AGMO: variants seen among roughly 807,000 people sequenced by gnomAD.
The protein encoded by AGMO is alkylglycerol monooxygenase.
A neutral mutation model predicts 60.2 loss-of-function variants in AGMO; 75 were observed. That is an observed-to-expected ratio of 1.25 (90% CI 1.03 to 1.51). The LOEUF (loss-of-function observed/expected upper bound fraction) is 1.51, where lower values mean the gene tolerates loss of function less well. AGMO is among the 40% of genes most tolerant of loss of function. AGMO has a pLI of 0.00. For missense variants in AGMO, 763 were observed against 525.5 expected, an observed-to-expected ratio of 1.45 and a Z score of -4.42; for synonymous variants, 261 against 177.1, an observed-to-expected ratio of 1.47 and a Z score of -3.76.
In AGMO at chr7:15,553,551, C is replaced by G. The variant is rs12673585; in HGVS notation, c.257+6590G>C. Among the ~76,000 whole-genome samples, 118 of 151,798 alleles carry G rather than the reference C, an allele frequency of 7.8e-4. 1 individual carries two copies. The East Asian group carries it at 0.022, about 28-fold the overall frequency. ...CACAAGAACACACTATTAAACAGGG[C>G]AAATGCCACCAGCCTTATAAATATT... On this transcript the variant is annotated intron_variant, in intron 2 of 12. Transcript: ENST00000342526.
At chr7:15,557,082 G>T (rs1785163927) in intron 2 of AGMO, among the ~76,000 whole-genome samples, 2 of 151,884 alleles carry the variant, frequency 1.3e-5, no homozygotes, top group Non-Finnish European at 2.9e-5. Flanking sequence ...AACATGGTAG[G>T]CACGCTATTA....
intron 12 of AGMO, among the ~76,000 whole-genome samples, chr7:15,353,962 C>CA (rs1167465553): frequency 1.3e-5 from 2 of 152,054 alleles, no homozygotes; most frequent in Non-Finnish European, 2.9e-5. Flanking sequence ...CATACAAAGC[C>CA]AATACATTTT....
chr7:15,145,418 CTT>C, the AGMO span, among the ~76,000 whole-genome samples: 3 of 152,054 alleles, frequency 2.0e-5, no homozygotes, highest in Middle Eastern at 6.8e-3. Context: ...AAAATACTGT[CTT>C]ATAGTATGAA....
At chr7:15,260,953 A>T (rs1172865717) in intron 12 of AGMO, among the ~76,000 whole-genome samples, 1 of 152,150 alleles carries the variant, frequency 6.6e-6, no homozygotes, top group African/African-American at 2.4e-5. Context: ...AAATAAAAAA[A>T]TTATTTGAAC....
intron 3 of AGMO, among the ~76,000 whole-genome samples, chr7:15,444,601 G>T (rs972322003): frequency 7.2e-5 from 11 of 152,094 alleles, no homozygotes; most frequent in East Asian, 3.9e-4. Flanking sequence ...AACATTCTTT[G>T]CTCCTGATTC....
intron 12 of AGMO, among the ~76,000 whole-genome samples, chr7:15,327,676 T>C (rs1781381851): frequency 6.6e-6 from 1 of 151,664 alleles, no homozygotes; most frequent in South Asian, 2.1e-4. Context: ...AGGGTATATG[T>C]AATTAAGCCC....
At chr7:15,246,777 A>G (rs980000427) in intron 12 of AGMO, among the ~76,000 whole-genome samples, 4 of 152,020 alleles carry the variant, frequency 2.6e-5, no homozygotes, top group Admixed American at 6.6e-5. Flanking sequence ...CTCCCCTTTC[A>G]TCCTGCTTCT....
intron 12 of AGMO, among the ~76,000 whole-genome samples, chr7:15,233,744 A>C (rs530835303): frequency 6.6e-6 from 1 of 152,304 alleles, no homozygotes; most frequent in East Asian, 1.9e-4. Context: ...GAAACGTAAG[A>C]ATTTAAGATA....
At chr7:15,286,357 G>C (rs1478775553) in intron 12 of AGMO, among the ~76,000 whole-genome samples, 1 of 151,612 alleles carries the variant, frequency 6.6e-6, no homozygotes, top group Admixed American at 6.6e-5. Flanking sequence ...TCCACAAAGA[G>C]CTCAAATAAA....
chr7:15,358,725 C>T (rs1473397749), intron 12 of AGMO, among the ~76,000 whole-genome samples: 1 of 152,152 alleles, frequency 6.6e-6, no homozygotes, highest in Non-Finnish European at 1.5e-5. Flanking sequence ...ACTCCCAGAA[C>T]ATGTCTTTGT....
At position 15,369,268 on chromosome 7, in the gene AGMO, A is replaced by T. The variant is rs192051604; in HGVS notation, c.1075-3046T>A. On this transcript the variant is annotated intron_variant, in intron 10 of 12. Coordinates refer to ENST00000342526, the MANE Select transcript of AGMO (RefSeq NM_001004320.2). ...GCCTGTCCACCTACCACAGCCCCCAACCCACAGCATGCAGAGTGATCCTTT... is the reference window on the plus strand; with the variant it reads ...GCCTGTCCACCTACCACAGCCCCCATCCCACAGCATGCAGAGTGATCCTTT... Among the ~76,000 whole-genome samples, 511 of 152,020 alleles carry T rather than the reference A, an allele frequency of 3.4e-3. 1 individual carries two copies. Among genetic ancestry groups the T allele is most frequent in the African/African-American group, 0.011 (472 of 41,482 alleles).
intron 2 of AGMO, among the ~76,000 whole-genome samples, chr7:15,553,451 A>G (rs898601519): frequency 4.6e-5 from 7 of 152,110 alleles, no homozygotes; most frequent in African/African-American, 1.4e-4. Context: ...ATCAAAGCAG[A>G]TTCAACCATG....
At chr7:15,281,582 G>A (rs1783966980) in intron 12 of AGMO, among the ~76,000 whole-genome samples, 1 of 152,058 alleles carries the variant, frequency 6.6e-6, no homozygotes, top group African/African-American at 2.4e-5. Context: ...TGCTAGCCTG[G>A]CAGGAGAGCT....
intron 5 of AGMO, among the ~76,000 whole-genome samples, chr7:15,410,495 T>C (rs1405607777): frequency 6.6e-6 from 1 of 151,878 alleles, no homozygotes; most frequent in Non-Finnish European, 1.5e-5. Context: ...TCATTAATTA[T>C]TTAAGTCTTA....
intron 12 of AGMO, among the ~76,000 whole-genome samples, chr7:15,272,661 G>C (rs942270519): frequency 3.9e-5 from 6 of 152,162 alleles, no homozygotes; most frequent in Non-Finnish European, 7.4e-5. Flanking sequence ...GGGATGGCTG[G>C]GTCAAATGGT....
intron 12 of AGMO, among the ~76,000 whole-genome samples, chr7:15,255,549 AAG>A (rs1358338581): frequency 6.7e-6 from 1 of 149,654 alleles, no homozygotes. Flanking sequence ...AAAAAAAAAA[AAG>A]AAAGAAAGAA....
At chr7:15,300,368 A>G (rs777775415) in intron 12 of AGMO, among the ~76,000 whole-genome samples, 1 of 152,194 alleles carries the variant, frequency 6.6e-6, no homozygotes, top group Non-Finnish European at 1.5e-5. Context: ...AAATTTGGGT[A>G]TGTTGAACAT....
At chr7:15,155,419 CTTTTTTTTTTTTTT>C in the AGMO span, among the ~76,000 whole-genome samples, 2 of 63,912 alleles carry the variant, frequency 3.1e-5, no homozygotes, top group African/African-American at 6.4e-5. Flanking sequence ...TACAGAATTT[CTTTTTTTTTTTTTT>C]TTTTTTTTTT....
At chr7:15,299,826 TACATACAC>T (rs1239182050) in intron 12 of AGMO, among the ~76,000 whole-genome samples, 1 of 50,400 alleles carries the variant, frequency 2.0e-5, no homozygotes, top group Non-Finnish European at 3.8e-5. Context: ...AGACTCTGTC[TACATACAC>T]ACACACACAC....
Sources: allele counts gnomAD v4.1 joint callset (sites outside exome capture counted in the v4.1 genomes callset), GRCh38; gene constraint gnomAD v4.1.1; transcripts MANE v1.5; gene names NCBI Gene and HGNC (gene_info 2026-07-23, HGNC 2026-07-21).